SLC9C1: variants seen among roughly 807,000 people sequenced by gnomAD.
SLC9C1 encodes the protein solute carrier family 9 member C1, also known as sodium/hydrogen exchanger 10.
In SLC9C1, 97 loss-of-function variants were observed where a neutral mutation model predicts 140.9. That is an observed-to-expected ratio of 0.69 (90% CI 0.58 to 0.82). SLC9C1 has a LOEUF of 0.82. Ranked by LOEUF, SLC9C1 falls within the 40% of genes least tolerant of loss-of-function variation. SLC9C1 has a pLI of 0.00. For synonymous variants in SLC9C1, 440 were observed against 442.6 expected (o/e 0.99, Z 0.07); for missense variants, 1,340 against 1,389.3 (o/e 0.96, Z 0.56).
chr3:112,141,874 A>G (rs2074635470), intron 28 of SLC9C1, among the ~76,000 whole-genome samples: 2 of 152,136 alleles, frequency 1.3e-5, no homozygotes, highest in Non-Finnish European at 2.9e-5. Flanking sequence ...TGAAAGATGT[A>G]TATATATTGT....
Position 112,155,061 on chromosome 3 carries a change from A to G in SLC9C1, c.3365-12T>C. On this transcript the variant is annotated splice_polypyrimidine_tract_variant and intron_variant, in intron 26 of 28. Coordinates refer to ENST00000305815, the MANE Select transcript of SLC9C1 (RefSeq NM_183061.3). ...TGTTCCAACTGAACCTGATTAAAAAAAAAAAAAACAGTGTTAATTCAACCA... is the reference window on the plus strand; with the variant it reads ...TGTTCCAACTGAACCTGATTAAAAAGAAAAAAAACAGTGTTAATTCAACCA... The G allele has an allele frequency of 6.3e-7, 1 of 1,598,592 alleles. No homozygotes were observed. The highest frequency in any genetic ancestry group is 8.5e-7 in the Non-Finnish European group (1 of 1,175,988).
intron 10 of SLC9C1, among the ~76,000 whole-genome samples, chr3:112,253,437 A>G (rs1380161048): frequency 6.6e-6 from 1 of 152,160 alleles, no homozygotes; most frequent in Admixed American, 6.6e-5. Context: ...GTGACCAAGC[A>G]AGAGCCCACC....
intron 15 of SLC9C1, among the ~76,000 whole-genome samples, chr3:112,211,143 A>T (rs2078191560): frequency 6.6e-6 from 1 of 152,214 alleles, no homozygotes; most frequent in Non-Finnish European, 1.5e-5. Context: ...CATTTTTCAG[A>T]TAATAAAATA....
chr3:112,162,151 G>C (rs200752624), intron 26 of SLC9C1, among the ~76,000 whole-genome samples: 2 of 152,116 alleles, frequency 1.3e-5, no homozygotes, highest in Admixed American at 6.6e-5. Flanking sequence ...AGTTGCTTAT[G>C]AGCTTAAGGA....
At chr3:112,241,600 C>A (rs554444015) in intron 11 of SLC9C1, among the ~76,000 whole-genome samples, 1 of 152,060 alleles carries the variant, frequency 6.6e-6, no homozygotes, top group East Asian at 1.9e-4. Context: ...AAAAACAGTT[C>A]TAAAATTTAC....
rs1474471655 is a variant in SLC9C1 at position 112,244,756 on chromosome 3, A to T, written c.1198-680T>A. 2.6e-5 allele frequency among the ~76,000 whole-genome samples: 4 copies of T among 152,148 alleles called. No homozygotes were observed. In the East Asian group the frequency reaches 7.7e-4, roughly 29 times the overall value. On this transcript the variant is annotated intron_variant, in intron 10 of 28. Coordinates refer to ENST00000305815, the MANE Select transcript of SLC9C1 (RefSeq NM_183061.3). ...CCAGAATTTATGTTTCACCCTAGCT[A>T]GTCTTCTGTTCTGTATCCACAGATG... is the stretch of plus-strand genomic sequence containing the variant.
At chr3:112,174,451 C>T (rs1377102786) in intron 23 of SLC9C1, among the ~76,000 whole-genome samples, 2 of 152,108 alleles carry the variant, frequency 1.3e-5, no homozygotes, top group African/African-American at 2.4e-5. Flanking sequence ...TGTTTCTTCC[C>T]CAGACTAAGG....
chr3:112,210,157 C>T (rs1331299429), intron 15 of SLC9C1, among the ~76,000 whole-genome samples: 2 of 152,120 alleles, frequency 1.3e-5, no homozygotes, highest in African/African-American at 4.8e-5. Flanking sequence ...TGCAATTTTG[C>T]CCCTGGGATA....
chr3:112,217,602 T>C, intron 14 of SLC9C1, 41 bp from the exon 15 acceptor site: 1 of 1,524,920 alleles, frequency 6.6e-7, no homozygotes, highest in Non-Finnish European at 8.8e-7. Flanking sequence ...TTTAAACATT[T>C]TGAGATAAGT....
chr3:112,234,037 A>G (rs1005676477), intron 12 of SLC9C1, among the ~76,000 whole-genome samples: 1 of 152,144 alleles, frequency 6.6e-6, no homozygotes, highest in Non-Finnish European at 1.5e-5. Flanking sequence ...CTAGTTCTAG[A>G]TCCCTGAGGA....
At chr3:112,204,698 A>G (rs2077997582) in intron 16 of SLC9C1, among the ~76,000 whole-genome samples, 1 of 152,094 alleles carries the variant, frequency 6.6e-6, no homozygotes, top group Admixed American at 6.6e-5. Flanking sequence ...AAATTCAGAC[A>G]AAAATGTAGT....
chr3:112,216,788 A>T (rs1180174280), intron 15 of SLC9C1, among the ~76,000 whole-genome samples: 2 of 152,338 alleles, frequency 1.3e-5, no homozygotes, highest in African/African-American at 2.4e-5. Flanking sequence ...ATTGTGGAAG[A>T]CAGTGTGGCG....
chr3:112,288,161 G>GAT (rs1010592163), intron 1 of SLC9C1, among the ~76,000 whole-genome samples: 20 of 149,610 alleles, frequency 1.3e-4, no homozygotes, highest in African/African-American at 4.4e-4. Context: ...ATATACATAT[G>GAT]ATATATATAT....
At chr3:112,225,355 A>T (rs769913534) in intron 13 of SLC9C1, among the ~76,000 whole-genome samples, 50 of 152,282 alleles carry the variant, frequency 3.3e-4, no homozygotes, top group Middle Eastern at 6.8e-3. Context: ...ACTAGACTGG[A>T]CTCACAAGAA....
rs13080324 is a variant in SLC9C1, at chr3:112,233,560, C to G, written c.1447-2074G>C. On this transcript the variant is annotated intron_variant, in intron 12 of 28. Transcript: ENST00000305815. ...AGTTAGTTACATATGTATACATGTG[C>G]CATGTTGGTGTGCTGCACCCATTAA... Among the ~76,000 whole-genome samples, 11 of 151,540 alleles carry G rather than the reference C, an allele frequency of 7.3e-5. 1 individual carries two copies. Among genetic ancestry groups the G allele is most frequent in the South Asian group, 2.1e-4 (1 of 4,804 alleles).
At chr3:112,198,363 A>G (rs1298433430) in intron 20 of SLC9C1, among the ~76,000 whole-genome samples, 1 of 152,002 alleles carries the variant, frequency 6.6e-6, no homozygotes, top group African/African-American at 2.4e-5. Context: ...CAGTCAACAA[A>G]TAATAGCACT....
chr3:112,195,284 T>A (rs1202823760), intron 20 of SLC9C1, among the ~76,000 whole-genome samples: 1 of 152,156 alleles, frequency 6.6e-6, no homozygotes, highest in African/African-American at 2.4e-5. Context: ...TGGGTCTATT[T>A]TGAGGTATTT....
At chr3:112,264,095 A>G (rs1290410679) in intron 9 of SLC9C1, 105 bp downstream of exon 9, 1 of 538,828 alleles carries the variant, frequency 1.9e-6, no homozygotes, top group Non-Finnish European at 2.7e-6. Context: ...GGAAAGTTTG[A>G]GTCAATTTTT....
In SLC9C1 at chr3:112,208,392, G is replaced by T; in HGVS notation, c.1791-19C>A. 2 of 1,455,622 alleles carry T rather than the reference G, an allele frequency of 1.4e-6. No homozygotes were observed. The highest frequency in any genetic ancestry group is 9.3e-7 in the Non-Finnish European group (1 of 1,080,212). The allele number at this position is 1,455,622 out of a possible 1,614,324, so 90.2% of individuals were successfully genotyped here. ...GAAGTATCTGTAAAACAAAAAGACAGTTTTATCTGATAAAAGGTTTACATT... is the reference window on the plus strand; with the variant it reads ...GAAGTATCTGTAAAACAAAAAGACATTTTTATCTGATAAAAGGTTTACATT... On this transcript the variant is annotated intron_variant, in intron 15 of 28. Coordinates refer to ENST00000305815, the MANE Select transcript of SLC9C1 (RefSeq NM_183061.3).
Sources: allele counts gnomAD v4.1 joint callset (sites outside exome capture counted in the v4.1 genomes callset), GRCh38; gene constraint gnomAD v4.1.1; transcripts MANE v1.5; gene names NCBI Gene and HGNC (gene_info 2026-07-23, HGNC 2026-07-21).